S100B: variants seen among roughly 807,000 people sequenced by gnomAD.
S100B encodes protein S100-B.
A neutral mutation model predicts 7.7 loss-of-function variants in S100B; 6 were observed. The observed-to-expected ratio is 0.78, with a 90% confidence interval of 0.43 to 1.54. The LOEUF is 1.54. Among genes scored for constraint, S100B ranks in the 40% most tolerant of loss-of-function variants. The pLI, the probability that S100B is intolerant of heterozygous loss-of-function variation, is 0.01. For synonymous variants in S100B, 36 were observed against 40.4 expected, an observed-to-expected ratio of 0.89 and a Z score of 0.41; for missense variants, 99 against 111.8, an observed-to-expected ratio of 0.89 and a Z score of 0.52.
intron 2 of S100B, chr21:46,600,330 A>G (rs1429527732): frequency 2.3e-6 from 1 of 430,750 alleles, no homozygotes; most frequent in African/African-American, 2.1e-5. Flanking sequence ...TAACTTGAGC[A>G]CAGGAAGTTT....
chr21:46,603,964 T>C (rs1268304440), intron 1 of S100B, among the ~76,000 whole-genome samples: 2 of 152,210 alleles, frequency 1.3e-5, no homozygotes, highest in African/African-American at 2.4e-5. Context: ...TGTTTGTATG[T>C]GTGTGTATTT....
intron 2 of S100B, among the ~76,000 whole-genome samples, chr21:46,599,780 G>GA (rs3061065): frequency 0.078 from 11,626 of 149,014 alleles, 684 homozygotes; most frequent in East Asian, 0.35. Flanking sequence ...TAAAATACCT[G>GA]AAAAAAAAAA....
In S100B at chr21:46,598,852, C is replaced by G. The variant is rs1453018934; in HGVS notation, c.*511G>C. 6.5e-6 allele frequency: 1 copy of G among 153,704 alleles called. No homozygotes were observed. The highest frequency in any genetic ancestry group is 2.4e-5 in the African/African-American group (1 of 41,490). 9.5% of individuals were successfully genotyped at this position (153,704 alleles called of 1,614,324 possible). A position where few individuals can be genotyped will look rare whatever the true frequency, so the allele number is the denominator to read the frequency against. ...GCGTTCACCTGGTGATCAGGCGCAT[C>G]CCGGGAAGCAGGCCGAAGCCACCAC... On this transcript the variant is annotated 3_prime_UTR_variant, in exon 3 of 3. Transcript: ENST00000291700.
intron 1 of S100B, among the ~76,000 whole-genome samples, 193 bp downstream of exon 1, chr21:46,604,820 C>G (rs2061052975): frequency 6.6e-6 from 1 of 152,210 alleles, no homozygotes; most frequent in South Asian, 2.1e-4. Context: ...AGGGCTGATG[C>G]AGTCAGGTGT....
intron 1 of S100B, 41 bp from the exon 2 acceptor site, chr21:46,602,457 T>C: frequency 1.9e-6 from 3 of 1,595,208 alleles, no homozygotes; most frequent in Non-Finnish European, 2.6e-6. Flanking sequence ...CATCTATACC[T>C]CATCCTAAAA....
chr21:46,599,654 A>G (rs1244903804), intron 2 of S100B, 151 bp from the exon 3 acceptor site: 3 of 755,208 alleles, frequency 4.0e-6, no homozygotes, highest in African/African-American at 3.5e-5. Context: ...GTCTCATGTG[A>G]CCAGGGGGCT....
At chr21:46,601,760 A>C (rs745501270) in intron 2 of S100B, among the ~76,000 whole-genome samples, 1 of 152,368 alleles carries the variant, frequency 6.6e-6, no homozygotes, top group South Asian at 2.1e-4. Context: ...TAAGCCAGTC[A>C]TGGTCATTCA....
intron 1 of S100B, among the ~76,000 whole-genome samples, chr21:46,604,797 C>T (rs1288354897): frequency 6.6e-6 from 1 of 152,202 alleles, no homozygotes; most frequent in Non-Finnish European, 1.5e-5. Context: ...GCAAAACACA[C>T]CTCTAGCTGT....
Position 46,603,392 on chromosome 21 carries a change from A to AGGGGGCGGGGGGGGAGGG in S100B, c.-1-977_-1-976insCCCTCCCCCCCCGCCCCC, listed in dbSNP as rs1555923741. On this transcript the variant is annotated intron_variant, in intron 1 of 2. Transcript: ENST00000291700. ...TCACTGCAGTGACTGGGACGGCGGG[A>AGGGGGCGGGGGGGGAGGG]GGGGGTGGGGGCAGGAATAGGTGTT... Among the ~76,000 whole-genome samples, 4 of 38,206 alleles carry AGGGGGCGGGGGGGGAGGG rather than the reference A, an allele frequency of 1.0e-4. 1 individual carries two copies. The highest frequency in any genetic ancestry group is 4.1e-4 in the African/African-American group (4 of 9,742). 25.1% of individuals were successfully genotyped at this position (38,206 alleles called of 152,430 possible). A position where few individuals can be genotyped will look rare whatever the true frequency, so the allele number is the denominator to read the frequency against.
chr21:46,602,512 A>C, intron 1 of S100B, 96 bp from the exon 2 acceptor site: 1 of 1,281,482 alleles, frequency 7.8e-7, no homozygotes, highest in Non-Finnish European at 1.1e-6. Flanking sequence ...GACAAGGGGG[A>C]TGGAATGGCC....
At position 46,602,271 on chromosome 21, in the gene S100B, G is replaced by C. The variant is rs1358710966; in HGVS notation, c.138+7C>G. On this transcript the variant is annotated splice_region_variant and intron_variant, in intron 2 of 2. Transcript: ENST00000291700. ...AGAAAGTGTCAAGTTTAAAAAGCAA[G>C]ACTCACCTCTAAGAAATGGGAAAGC... 6.2e-7 allele frequency: 1 copy of C among 1,611,430 alleles called. No individual in the cohort carries two copies. The highest frequency in any genetic ancestry group is 8.5e-7 in the Non-Finnish European group (1 of 1,178,794).
At position 46,598,610 on chromosome 21, in the gene S100B, G is replaced by A. The variant is rs771002604; in HGVS notation, c.*753C>T. On this transcript the variant is annotated 3_prime_UTR_variant, in exon 3 of 3. Transcript: ENST00000291700. ...TGATCCACCTGCCTCGGCCTCCCAA[G>A]CTGCGCTCTTTTTATTGAACGCAGG... 6.6e-6 allele frequency among the ~76,000 whole-genome samples: 1 copy of A among 152,186 alleles called. No homozygotes were observed. Among genetic ancestry groups the A allele is most frequent in the Non-Finnish European group, 1.5e-5 (1 of 68,020 alleles).
In S100B at chr21:46,602,377, G is replaced by A. The variant is rs368589237; in HGVS notation, c.39C>T (p.Asp13=). The change falls in exon 2 of 3, where the codon GAC becomes GAT. Residue 13 remains aspartate, a synonymous_variant. Coordinates refer to ENST00000291700, the MANE Select transcript of S100B (RefSeq NM_006272.3). ...CCCTTCCAGAATATTGGTGGAAAAC[G>A]TCGATGAGGGCCACCATGGCCTTCT... is the stretch of plus-strand genomic sequence containing the variant. The part of the protein sequence containing the change: ...ELEKAMVALI[D]VFHQYSGREG... 1.7e-5 allele frequency: 28 copies of A among 1,613,964 alleles called. No individual in the cohort carries two copies. Among genetic ancestry groups the A allele is most frequent in the Non-Finnish European group, 2.0e-5 (24 of 1,179,982 alleles).
intron 1 of S100B, among the ~76,000 whole-genome samples, chr21:46,603,398 T>TGGGGGGAGGGGGGGGTGGGGGGGGGGG: frequency 5.8e-5 from 3 of 52,070 alleles, no homozygotes; most frequent in Non-Finnish European, 7.5e-5. Flanking sequence ...CGGGAGGGGG[T>TGGGGGGAGGGGGGGGTGGGGGGGGGGG]GGGGGCAGGA....
At chr21:46,604,272 C>G (rs969126669) in intron 1 of S100B, among the ~76,000 whole-genome samples, 1 of 152,080 alleles carries the variant, frequency 6.6e-6, no homozygotes, top group African/African-American at 2.4e-5. Context: ...AATAAATGTC[C>G]GTTTCTTTCT....
In S100B at chr21:46,599,332, G is replaced by C. The variant is rs1180451901; in HGVS notation, c.*31C>G. On this transcript the variant is annotated 3_prime_UTR_variant, in exon 3 of 3. Transcript: ENST00000291700. Reference sequence around the variant, plus strand: ...TCTGCTTTCTTGCATGACCGTCTCTGTTACAGGAAAGGTTTGGCTGCTTTC... The same window carrying C: ...TCTGCTTTCTTGCATGACCGTCTCTCTTACAGGAAAGGTTTGGCTGCTTTC... 2 of 1,607,560 alleles carry C rather than the reference G, an allele frequency of 1.2e-6. No individual in the cohort carries two copies. The highest frequency in any genetic ancestry group is 8.5e-7 in the Non-Finnish European group (1 of 1,176,194).
chr21:46,602,292 A>G lies in S100B; in HGVS notation c.124T>C (p.Ser42Pro). The G allele has an allele frequency of 6.2e-7, 1 of 1,613,104 alleles. No individual in the cohort carries two copies. Among genetic ancestry groups the G allele is most frequent in the South Asian group, 1.1e-5 (1 of 90,898 alleles). ...ELKELINNELSHFLEEIKEQE... is the reference protein window; with the variant it reads ...ELKELINNELPHFLEEIKEQE... ...GCAAGACTCACCTCTAAGAAATGGG[A>G]AAGCTCATTGTTGATGAGCTCCTTC... is the stretch of plus-strand genomic sequence containing the variant. The change falls in exon 2 of 3, where the codon TCC (serine) becomes CCC (proline). Residue 42 changes from serine to proline, a missense_variant. Physicochemically the swap from Ser to Pro is moderately conservative, Grantham distance 74. Transcript: ENST00000291700.
chr21:46,602,450 C>T (rs1161864553), intron 1 of S100B, 34 bp from the exon 2 acceptor site: 1 of 1,604,382 alleles, frequency 6.2e-7, no homozygotes, highest in Non-Finnish European at 8.5e-7. Flanking sequence ...GCCTTCTCAT[C>T]TATACCTCAT....
In S100B at chr21:46,602,424, C is replaced by T; in HGVS notation, c.-1-8G>A. 1 of 1,609,744 alleles carries T rather than the reference C, an allele frequency of 6.2e-7. No homozygotes were observed. Among genetic ancestry groups the T allele is most frequent in the Non-Finnish European group, 8.5e-7 (1 of 1,178,712 alleles). ...TTCTCCAGCTCAGACATCCTAGGGG[C>T]TCGCAAAGGAAAGTTGCCTTCTCAT... On this transcript the variant is annotated splice_region_variant and splice_polypyrimidine_tract_variant and intron_variant, in intron 1 of 2. Coordinates refer to ENST00000291700, the MANE Select transcript of S100B (RefSeq NM_006272.3).
Sources: allele counts gnomAD v4.1 joint callset (sites outside exome capture counted in the v4.1 genomes callset), GRCh38; gene constraint gnomAD v4.1.1; transcripts MANE v1.5; gene names NCBI Gene and HGNC (gene_info 2026-07-23, HGNC 2026-07-21).